ZNF827: variants seen among roughly 807,000 people sequenced by gnomAD.
The protein encoded by ZNF827 is zinc finger protein 827.
ZNF827 carries 13 observed loss-of-function variants against 102.4 expected under a neutral mutation model. The ratio of observed to expected loss-of-function variants is 0.13; its 90% CI spans 0.08 to 0.20. The LOEUF (loss-of-function observed/expected upper bound fraction) is 0.20. Among genes scored for constraint, ZNF827 ranks in the 10% least tolerant of loss-of-function variants. ZNF827 has a pLI of 1.00. For missense variants in ZNF827, 1,103 were observed against 1,344.4 expected (o/e 0.82, Z 2.81); for synonymous variants, 523 against 536.2 (o/e 0.98, Z 0.34).
intron 1 of ZNF827, among the ~76,000 whole-genome samples, chr4:145,934,655 G>A (rs539193945): frequency 1.8e-4 from 28 of 152,330 alleles, no homozygotes; most frequent in Middle Eastern, 6.8e-3. Flanking sequence ...CCACTCCAGG[G>A]TGGAACTTCC....
intron 7 of ZNF827, among the ~76,000 whole-genome samples, chr4:145,844,130 C>A (rs1051647462): frequency 1.3e-5 from 2 of 152,110 alleles, no homozygotes; most frequent in African/African-American, 4.8e-5. Context: ...CAGACACAAG[C>A]ACATACACTA....
At chr4:145,864,671 A>G (rs1748024627) in intron 5 of ZNF827, among the ~76,000 whole-genome samples, 1 of 152,110 alleles carries the variant, frequency 6.6e-6, no homozygotes. Context: ...CAGGGACTCA[A>G]AAAAAGTTGA....
intron 1 of ZNF827, among the ~76,000 whole-genome samples, chr4:145,927,624 CA>C (rs1326958488): frequency 6.6e-6 from 1 of 152,112 alleles, no homozygotes; most frequent in African/African-American, 2.4e-5. Flanking sequence ...TTATAGTGGC[CA>C]AAACCATCTC....
intron 8 of ZNF827, among the ~76,000 whole-genome samples, chr4:145,818,697 G>A (rs1245474247): frequency 6.6e-6 from 1 of 152,202 alleles, no homozygotes; most frequent in Non-Finnish European, 1.5e-5. Context: ...GAGTTGGGAA[G>A]TCTTAACACA....
intron 7 of ZNF827, chr4:145,831,377 T>C (rs893069405): frequency 6.6e-6 from 1 of 152,218 alleles, no homozygotes; most frequent in African/African-American, 2.4e-5. Flanking sequence ...TGAATAAAAC[T>C]TGGATTATTC....
chr4:145,918,338 A>C (rs1435409914), intron 1 of ZNF827, among the ~76,000 whole-genome samples: 2 of 147,410 alleles, frequency 1.4e-5, no homozygotes, highest in Non-Finnish European at 3.0e-5. Context: ...AAGGCAAAAA[A>C]AAAAAAAAAA....
chr4:145,821,230 T>C (rs1194632135), intron 8 of ZNF827, among the ~76,000 whole-genome samples: 1 of 152,220 alleles, frequency 6.6e-6, no homozygotes, highest in Non-Finnish European at 1.5e-5. Context: ...CCACAAAATA[T>C]TTATTCAAAA....
At chr4:145,791,622 T>C (rs1325849539) in intron 8 of ZNF827, among the ~76,000 whole-genome samples, 1 of 152,222 alleles carries the variant, frequency 6.6e-6, no homozygotes, top group Non-Finnish European at 1.5e-5. Flanking sequence ...TTCTCAATAA[T>C]TTGAATACAC....
intron 4 of ZNF827, among the ~76,000 whole-genome samples, chr4:145,872,768 G>A (rs569290101): frequency 1.1e-4 from 17 of 151,238 alleles, no homozygotes; most frequent in African/African-American, 2.9e-4. Flanking sequence ...CCAGCTACTC[G>A]GGAGACTGAG....
chr4:145,852,986 C>T (rs887627533), intron 5 of ZNF827, among the ~76,000 whole-genome samples: 1 of 152,198 alleles, frequency 6.6e-6, no homozygotes, highest in Non-Finnish European at 1.5e-5. Context: ...CAAATTTTCT[C>T]AGGGGAGGGA....
chr4:145,819,530 C>T (rs1742941429), intron 8 of ZNF827, among the ~76,000 whole-genome samples: 1 of 152,220 alleles, frequency 6.6e-6, no homozygotes, highest in Admixed American at 6.5e-5. Flanking sequence ...ACCTCGGAAT[C>T]TTTCTTCTAT....
At chr4:145,865,774 A>G (rs756759511) in intron 5 of ZNF827, among the ~76,000 whole-genome samples, 1 of 152,028 alleles carries the variant, frequency 6.6e-6, no homozygotes, top group Non-Finnish European at 1.5e-5. Flanking sequence ...CCTGTTTCGC[A>G]CCTCACCCTC....
intron 7 of ZNF827, chr4:145,831,057 T>A (rs1408425115): frequency 1.3e-5 from 2 of 152,232 alleles, no homozygotes; most frequent in Non-Finnish European, 2.9e-5. Context: ...ATGGTACGCA[T>A]GAACATTGCC....
intron 2 of ZNF827, among the ~76,000 whole-genome samples, chr4:145,896,338 A>G (rs1343170021): frequency 6.6e-6 from 1 of 152,194 alleles, no homozygotes; most frequent in East Asian, 1.9e-4. Flanking sequence ...AGAAGTCCAT[A>G]GTGTGGCTCA....
At chr4:145,771,397 T>G (rs1187722161) in intron 11 of ZNF827, among the ~76,000 whole-genome samples, 2 of 152,244 alleles carry the variant, frequency 1.3e-5, no homozygotes, top group East Asian at 3.8e-4. Flanking sequence ...ATAGGGATTC[T>G]GTAAGTTATC....
rs1734848296 is a variant in ZNF827 at position 145,763,631 on chromosome 4, T to C, written c.3231-509A>G. Among the ~76,000 whole-genome samples, 2 of 152,294 alleles carry C rather than the reference T, an allele frequency of 1.3e-5. No homozygotes were observed. Among genetic ancestry groups the C allele is most frequent in the East Asian group, 1.9e-4 (1 of 5,188 alleles). On this transcript the variant is annotated intron_variant, in intron 13 of 14. Coordinates refer to ENST00000508784, the MANE Select transcript of ZNF827 (RefSeq NM_001306215.2). The surrounding 1 kb of genome is among the most constrained non-coding windows in gnomAD (Gnocchi z 4.6). Reference sequence around the variant, plus strand: ...GCCACAACTGGCAGGGGCTGCAATGTTCATGGGTGTGACTGGGCTACTGGG... The same window carrying C: ...GCCACAACTGGCAGGGGCTGCAATGCTCATGGGTGTGACTGGGCTACTGGG...
At chr4:145,850,445 G>C (rs1746422173) in intron 5 of ZNF827, among the ~76,000 whole-genome samples, 1 of 152,192 alleles carries the variant, frequency 6.6e-6, no homozygotes, top group South Asian at 2.1e-4. Flanking sequence ...CACGCAGGAA[G>C]TTAACTGCAG....
At chr4:145,837,855 C>T (rs1405472150) in intron 7 of ZNF827, among the ~76,000 whole-genome samples, 2 of 152,066 alleles carry the variant, frequency 1.3e-5, no homozygotes, top group African/African-American at 4.8e-5. Flanking sequence ...CTAACATCCC[C>T]ACAATATCAC....
intron 5 of ZNF827, among the ~76,000 whole-genome samples, chr4:145,861,211 G>T (rs1207061764): frequency 6.6e-6 from 1 of 152,190 alleles, no homozygotes; most frequent in East Asian, 1.9e-4. Context: ...GGTTAATATG[G>T]TGATGAGAAG....
Sources: gnomAD v4.1 joint callset for allele counts (sites outside exome capture counted in the v4.1 genomes callset) on GRCh38, gnomAD v4.1.1 for gene constraint, Gnocchi (gnomAD v3.1) non-coding constraint, MANE v1.5 for transcripts, NCBI Gene and HGNC (gene_info 2026-07-23, HGNC 2026-07-21) for gene names.